Variants in MIDEAS observed in about 807,000 individuals in gnomAD.
MIDEAS encodes the protein mitotic deacetylase associated SANT domain protein.
A neutral mutation model predicts 102.7 loss-of-function variants in MIDEAS; 26 were observed. The ratio of observed to expected loss-of-function variants is 0.25; its 90% CI spans 0.19 to 0.35. The LOEUF is 0.35. Among genes scored for constraint, MIDEAS ranks in the 10% least tolerant of loss-of-function variants. The pLI is 1.00. For synonymous variants in MIDEAS, 585 were observed against 591.0 expected (o/e 0.99, Z 0.15); for missense variants, 1,231 against 1,435.6 (o/e 0.86, Z 2.30).
At chr14:73,765,146 CT>C (rs1384819692), upstream of MIDEAS, among the ~76,000 whole-genome samples, 1 of 152,262 alleles carries the variant, frequency 6.6e-6, no homozygotes, top group Non-Finnish European at 1.5e-5. Context: ...TTCACTGGAG[CT>C]TGGCTTCCCT....
chr14:73,777,498 C>T (rs1438576617), intron 1 of MIDEAS, among the ~76,000 whole-genome samples: 1 of 150,990 alleles, frequency 6.6e-6, no homozygotes, highest in African/African-American at 2.4e-5. Context: ...GCCCATGGCC[C>T]GGCCCTGCCT....
intron 1 of MIDEAS, among the ~76,000 whole-genome samples, chr14:73,779,573 A>ATTTTTTT (rs1322412292): frequency 4.2e-5 from 5 of 119,992 alleles, no homozygotes; most frequent in African/African-American, 1.3e-4. Flanking sequence ...TATTATTATT[A>ATTTTTTT]TTTTTTTTTT....
chr14:73,741,150 G>A (rs2053276455), intron 1 of MIDEAS, among the ~76,000 whole-genome samples: 1 of 152,218 alleles, frequency 6.6e-6, no homozygotes, highest in Non-Finnish European at 1.5e-5. Flanking sequence ...GTGTAACTCA[G>A]ATCGTAGAGG....
At chr14:73,774,981 A>C (rs1280249396) in intron 1 of MIDEAS, among the ~76,000 whole-genome samples, 1 of 151,992 alleles carries the variant, frequency 6.6e-6, no homozygotes, top group African/African-American at 2.4e-5. Flanking sequence ...TGCAGGGGGG[A>C]AGTTCAATTG....
intron 10 of MIDEAS, chr14:73,722,366 C>T: frequency 5.6e-6 from 1 of 177,668 alleles, no homozygotes; most frequent in Non-Finnish European, 1.2e-5. Flanking sequence ...TGGTAGGATG[C>T]AGATATGGCA....
At chr14:73,735,262 C>T (rs2053187226) in intron 3 of MIDEAS, among the ~76,000 whole-genome samples, 1 of 152,160 alleles carries the variant, frequency 6.6e-6, no homozygotes, top group South Asian at 2.1e-4. Flanking sequence ...TAAATGTTCT[C>T]ACCACAAAAA....
At chr14:73,755,519 G>A (rs192637329) in intron 1 of MIDEAS, among the ~76,000 whole-genome samples, 2 of 151,758 alleles carry the variant, frequency 1.3e-5, no homozygotes, top group East Asian at 3.9e-4. Flanking sequence ...AAGCAAACAG[G>A]GGACTTTTTT....
At chr14:73,746,029 C>T (rs1188316519) in intron 1 of MIDEAS, among the ~76,000 whole-genome samples, 1 of 152,210 alleles carries the variant, frequency 6.6e-6, no homozygotes, top group Non-Finnish European at 1.5e-5. Context: ...GGATCAGAAG[C>T]TTGGCCAGGG....
chr14:73,777,841 C>G (rs946874507), intron 1 of MIDEAS, among the ~76,000 whole-genome samples: 1 of 151,952 alleles, frequency 6.6e-6, no homozygotes, highest in African/African-American at 2.4e-5. Flanking sequence ...AGCGCAGGAG[C>G]CCCCTGAACA....
chr14:73,783,392 T>G, intron 1 of MIDEAS, among the ~76,000 whole-genome samples: 1 of 152,120 alleles, frequency 6.6e-6, no homozygotes, highest in East Asian at 1.9e-4. Context: ...TAGGAATTCT[T>G]GCCATCAGTG....
In MIDEAS at chr14:73,748,283, T is replaced by C. The variant is rs547415427; in HGVS notation, c.-247-8028A>G. Among the ~76,000 whole-genome samples, 3 of 152,274 alleles carry C rather than the reference T, an allele frequency of 2.0e-5. No homozygotes were observed. In the East Asian group the frequency reaches 5.8e-4, roughly 29 times the overall value. ...GGCAGAATGGACTTTTAAAAAAATA[T>C]GCAATTATATGGCAGAACAGACTTC... is the stretch of plus-strand genomic sequence containing the variant. On this transcript the variant is annotated intron_variant, in intron 1 of 12. Coordinates refer to ENST00000423556, the MANE Select transcript of MIDEAS (RefSeq NM_001367710.1).
At chr14:73,785,050 C>T (rs1214235716) in intron 1 of MIDEAS, among the ~76,000 whole-genome samples, 5 of 152,206 alleles carry the variant, frequency 3.3e-5, no homozygotes, top group Non-Finnish European at 5.9e-5. Context: ...ATCATCAGTA[C>T]CTGCCACTCT....
At position 73,784,343 on chromosome 14, in the gene MIDEAS, A is replaced by G. The variant is rs142753525; in HGVS notation, c.-248+2759T>C. Among the ~76,000 whole-genome samples, 1,257 of 152,310 alleles carry G rather than the reference A, an allele frequency of 8.3e-3. 20 individuals carry two copies. The highest frequency in any genetic ancestry group is 0.029 in the African/African-American group (1,190 of 41,558). Reference sequence around the variant, plus strand: ...GGCAAGCTCCCTGAATGCAGAGGCAAAGCTGAGCAAGCCAGGGAAAGGGCC... The same window carrying G: ...GGCAAGCTCCCTGAATGCAGAGGCAGAGCTGAGCAAGCCAGGGAAAGGGCC... On this transcript the variant is annotated intron_variant, in intron 1 of 11. Coordinates refer to the MIDEAS transcript ENST00000394071.
intron 3 of MIDEAS, among the ~76,000 whole-genome samples, chr14:73,731,414 A>T (rs983411190): frequency 6.6e-6 from 1 of 152,124 alleles, no homozygotes; most frequent in Admixed American, 6.5e-5. Flanking sequence ...CCCTTCTACA[A>T]ATTGGGATGA....
chr14:73,740,969 A>G (rs908432890), intron 1 of MIDEAS, among the ~76,000 whole-genome samples: 2 of 152,338 alleles, frequency 1.3e-5, no homozygotes, highest in African/African-American at 4.8e-5. Context: ...ACCCCTGGGA[A>G]GAGCTGCTGG....
intron 1 of MIDEAS, among the ~76,000 whole-genome samples, chr14:73,783,990 G>A (rs548014698): frequency 1.3e-5 from 2 of 152,316 alleles, no homozygotes; most frequent in African/African-American, 2.4e-5. Context: ...ACTGGGCCTG[G>A]GCAGCCTCCC....
rs199573569 is a variant in MIDEAS, at chr14:73,739,417, G to A, written c.592C>T (p.Leu198=). Residue 198 remains leucine, a synonymous_variant, in exon 2 of 13, where the codon CTG becomes TTG. Coordinates refer to ENST00000423556, the MANE Select transcript of MIDEAS (RefSeq NM_001367710.1). ...TTCTTGGCTGCGTGGAAAGAATTCA[G>A]GGGTGCCTGGGGCCGCCCTACCTCC... is the stretch of plus-strand genomic sequence containing the variant. ...QLEVGRPQAP[L]NSFHAAKKPP... The A allele has an allele frequency of 1.3e-6, 2 of 1,582,318 alleles. No individual in the cohort carries two copies. The highest frequency in any genetic ancestry group is 1.3e-5 in the African/African-American group (1 of 74,534).
intron 3 of MIDEAS, among the ~76,000 whole-genome samples, chr14:73,734,959 G>GC (rs1183989194): frequency 6.6e-6 from 1 of 152,168 alleles, no homozygotes; most frequent in Non-Finnish European, 1.5e-5. Context: ...CATGGGAAAG[G>GC]CAAGATGGGA....
rs2053049908 is a variant in MIDEAS, at chr14:73,725,556, T to C, written c.2486-196A>G. On this transcript the variant is annotated intron_variant, in intron 8 of 12. Coordinates refer to ENST00000423556, the MANE Select transcript of MIDEAS (RefSeq NM_001367710.1). The surrounding 1 kb of genome is among the most constrained non-coding windows in gnomAD (Gnocchi z 4.1). ...GAAATGGAAACTAATATCACCTAGCTCACCAGCTGTGGTGAGGATTAAATA... is the reference window on the plus strand; with the variant it reads ...GAAATGGAAACTAATATCACCTAGCCCACCAGCTGTGGTGAGGATTAAATA... Among the ~76,000 whole-genome samples, 1 of 152,188 alleles carries C rather than the reference T, an allele frequency of 6.6e-6. No homozygotes were observed. Among genetic ancestry groups the C allele is most frequent in the Non-Finnish European group, 1.5e-5 (1 of 68,036 alleles).
Sources: allele counts gnomAD v4.1 joint callset (sites outside exome capture counted in the v4.1 genomes callset), GRCh38; gene constraint gnomAD v4.1.1; non-coding constraint Gnocchi (gnomAD v3.1); transcripts MANE v1.5; gene names NCBI Gene and HGNC (gene_info 2026-07-23, HGNC 2026-07-21).